UBR3: variants seen among roughly 807,000 people sequenced by gnomAD.
UBR3 encodes the protein E3 ubiquitin-protein ligase UBR3.
UBR3 carries 85 observed loss-of-function variants against 243.2 expected under a neutral mutation model. The ratio of observed to expected loss-of-function variants is 0.35; its 90% confidence interval spans 0.29 to 0.42. UBR3 has a LOEUF of 0.42. UBR3 is among the 10% of genes least tolerant of loss of function. The probability of loss-of-function intolerance (pLI) is 1.00; values close to 1 mark genes in which losing one functional copy is unlikely to be tolerated. For synonymous variants in UBR3, 748 were observed against 799.8 expected, an observed-to-expected ratio of 0.94 and a Z score of 1.09; for missense variants, 1,686 against 2,300.8, an observed-to-expected ratio of 0.73 and a Z score of 5.47.
At chr2:169,844,174 T>G (rs1477224649) in intron 1 of UBR3, among the ~76,000 whole-genome samples, 2 of 151,832 alleles carry the variant, frequency 1.3e-5, no homozygotes, top group South Asian at 2.1e-4. Context: ...GCCTGGCTAA[T>G]TTTTGTATTT....
At chr2:169,976,733 G>A (rs1304923697) in intron 24 of UBR3, among the ~76,000 whole-genome samples, 1 of 152,026 alleles carries the variant, frequency 6.6e-6, no homozygotes, top group Non-Finnish European at 1.5e-5. Flanking sequence ...TTTGCCTTGG[G>A]GAGGACCTTT....
intron 36 of UBR3, among the ~76,000 whole-genome samples, 156 bp from the exon 37 acceptor site, chr2:170,079,658 T>A (rs1384680917): frequency 8.5e-5 from 13 of 152,220 alleles, no homozygotes; most frequent in Non-Finnish European, 2.9e-5. Context: ...ACTATTTTAG[T>A]CATGTATAAG....
chr2:170,077,220 G>C (rs2091828648), intron 36 of UBR3: 5 of 708,372 alleles, frequency 7.1e-6, no homozygotes, highest in Non-Finnish European at 1.3e-5. Flanking sequence ...CTATGAAAGT[G>C]CTGTCAGACC....
At chr2:170,062,508 G>A (rs2091475965) in intron 35 of UBR3, among the ~76,000 whole-genome samples, 1 of 152,180 alleles carries the variant, frequency 6.6e-6, no homozygotes, top group African/African-American at 2.4e-5. Context: ...TCTTTTTAGA[G>A]TTATAAGATG....
intron 24 of UBR3, among the ~76,000 whole-genome samples, chr2:169,985,973 C>A (rs1248707892): frequency 6.6e-6 from 1 of 152,152 alleles, no homozygotes; most frequent in Non-Finnish European, 1.5e-5. Flanking sequence ...CATCACTTAT[C>A]TTCGTGAATT....
intron 1 of UBR3, among the ~76,000 whole-genome samples, chr2:169,861,696 A>G (rs2083098359): frequency 6.6e-6 from 1 of 151,772 alleles, no homozygotes; most frequent in Admixed American, 6.6e-5. Flanking sequence ...ATGTTTATTA[A>G]TTTTATGTTT....
At chr2:169,979,239 T>C (rs2088607311) in intron 24 of UBR3, among the ~76,000 whole-genome samples, 1 of 152,132 alleles carries the variant, frequency 6.6e-6, no homozygotes, top group Non-Finnish European at 1.5e-5. Context: ...AATCCTGAAA[T>C]CTGACACTAC....
chr2:169,890,593 G>GTATATATATGTGTATATATA (rs1559064534), intron 5 of UBR3, among the ~76,000 whole-genome samples: 38 of 76,090 alleles, frequency 5.0e-4, no homozygotes, highest in Non-Finnish European at 8.1e-4. Flanking sequence ...ATATATATAT[G>GTATATATATGTGTATATATA]TATATATATG....
rs2105464920 is a variant in UBR3 at position 170,083,034 on chromosome 2, A to G, written c.*1191A>G. 1 of 152,564 alleles carries G rather than the reference A, an allele frequency of 6.6e-6. No individual in the cohort carries two copies. The highest frequency in any genetic ancestry group is 2.4e-5 in the African/African-American group (1 of 41,524). 9.5% of individuals were successfully genotyped at this position (152,564 alleles called of 1,614,324 possible). A position where few individuals can be genotyped will look rare whatever the true frequency, so the allele number is the denominator to read the frequency against. ...AAGCATGTGACATATTGCTACAAAGATTTTTTTTCCTAAATGATTCAGTAA... is the reference window on the plus strand; with the variant it reads ...AAGCATGTGACATATTGCTACAAAGGTTTTTTTTCCTAAATGATTCAGTAA... On this transcript the variant is annotated 3_prime_UTR_variant, in exon 39 of 39. Transcript: ENST00000272793.
chr2:169,894,421 A>G (rs181329109), intron 6 of UBR3, among the ~76,000 whole-genome samples: 1 of 151,436 alleles, frequency 6.6e-6, no homozygotes, highest in East Asian at 2.0e-4. Context: ...TCACCACTGA[A>G]ATGGAATTAG....
intron 1 of UBR3, among the ~76,000 whole-genome samples, chr2:169,856,051 C>T (rs1486834837): frequency 6.6e-6 from 1 of 150,972 alleles, no homozygotes; most frequent in Non-Finnish European, 1.5e-5. Flanking sequence ...GGCTGCTGGG[C>T]GGAGGGGCTC....
intron 27 of UBR3, 23 bp from the exon 28 acceptor site, chr2:170,006,967 T>G: frequency 6.2e-7 from 1 of 1,609,304 alleles, no homozygotes; most frequent in Non-Finnish European, 8.5e-7. Flanking sequence ...ATCACGCATC[T>G]GTATGTTTAT....
chr2:169,945,295 A>G (rs1210501955), intron 20 of UBR3, among the ~76,000 whole-genome samples: 1 of 152,140 alleles, frequency 6.6e-6, no homozygotes, highest in East Asian at 1.9e-4. Context: ...CTGTTTTTTA[A>G]AAGGTTTTGA....
intron 36 of UBR3, among the ~76,000 whole-genome samples, chr2:170,078,862 A>C (rs1259305299): frequency 6.6e-6 from 1 of 152,210 alleles, no homozygotes; most frequent in East Asian, 1.9e-4. Context: ...AACTCATTAC[A>C]GAATGCCATC....
chr2:170,064,640 T>C (rs1366869286), intron 35 of UBR3, among the ~76,000 whole-genome samples: 1 of 151,918 alleles, frequency 6.6e-6, no homozygotes, highest in Non-Finnish European at 1.5e-5. Flanking sequence ...TTGGACTGAT[T>C]TTTCATGGTA....
chr2:169,845,964 T>C (rs957482404), intron 1 of UBR3, among the ~76,000 whole-genome samples: 2 of 152,160 alleles, frequency 1.3e-5, no homozygotes, highest in Admixed American at 6.5e-5. Context: ...TAAGGTTTCT[T>C]TTATAGCTCA....
rs147179467 is a variant in UBR3, at chr2:169,927,302, C to T, written c.2339-18C>T. ...TATGTATACTCAGATTTGTTAATTC[C>T]GTTTTTAATAATTTTAGGAATGTCT... On this transcript the variant is annotated intron_variant, in intron 16 of 38. Transcript: ENST00000272793. 9.7e-3 allele frequency: 14,979 copies of T among 1,538,746 alleles called. 81 individuals are homozygous for T. The highest frequency in any genetic ancestry group is 0.012 in the Non-Finnish European group (13,274 of 1,140,870).
At chr2:170,031,205 G>C (rs777529139) in intron 31 of UBR3, among the ~76,000 whole-genome samples, 1 of 151,978 alleles carries the variant, frequency 6.6e-6, no homozygotes, top group Non-Finnish European at 1.5e-5. Flanking sequence ...AGCCTCTCCC[G>C]TGTTGCTAGG....
chr2:169,983,174 C>A (rs1559156840), intron 24 of UBR3, among the ~76,000 whole-genome samples: 3 of 148,946 alleles, frequency 2.0e-5, no homozygotes, highest in Non-Finnish European at 3.0e-5. Context: ...AGAGTGAGAG[C>A]AGGAGAGAGA....
Sources: gnomAD v4.1 joint callset for allele counts (sites outside exome capture counted in the v4.1 genomes callset) on GRCh38, gnomAD v4.1.1 for gene constraint, MANE v1.5 for transcripts, NCBI Gene and HGNC (gene_info 2026-07-23, HGNC 2026-07-21) for gene names.